Variants in GPC5 observed in about 807,000 individuals in gnomAD.
GPC5 encodes glypican-5.
Under a neutral mutation model 53.9 loss-of-function variants are expected in GPC5, and 47 were observed. The ratio of observed to expected loss-of-function variants is 0.87; its 90% CI spans 0.69 to 1.11. The LOEUF is 1.11. GPC5 is among the 50% of genes most tolerant of loss of function. GPC5 has a pLI of 0.00. For missense variants in GPC5, 748 were observed against 713.1 expected (o/e 1.05, Z -0.56); for synonymous variants, 286 against 263.3 (o/e 1.09, Z -0.84).
intron 1 of GPC5, among the ~76,000 whole-genome samples, chr13:91,432,203 C>CTGTGTGTGTGTGTG (rs757953581): frequency 6.6e-5 from 9 of 136,452 alleles, no homozygotes; most frequent in Non-Finnish European, 1.1e-4. Context: ...GCTGCTGCTG[C>CTGTGTGTGTGTGTG]TGTGTGTGTG....
intron 7 of GPC5, among the ~76,000 whole-genome samples, chr13:92,629,942 C>T (rs7319195): frequency 0.042 from 6,362 of 152,202 alleles, 191 homozygotes; most frequent in Admixed American, 0.11. Flanking sequence ...GGAAAAACAA[C>T]GATAAAAGAG....
At position 91,859,034 on chromosome 13, in the gene GPC5, CT is replaced by C. The variant is rs57168055; in HGVS notation, c.1281-48888del. ...CATCTCTGATTTTATTTATTTAGGT[CT>C]TTTTTTTTTTTTTTAGTGTGGCTAA... is the stretch of plus-strand genomic sequence containing the variant. On this transcript the variant is annotated intron_variant, in intron 5 of 7. Transcript: ENST00000377067. 8.3e-3 allele frequency among the ~76,000 whole-genome samples: 1,161 copies of C among 140,666 alleles called. 32 individuals are homozygous for C. In the East Asian group the frequency reaches 0.1, roughly 12 times the overall value. The allele number at this position is 140,666 out of a possible 152,430, so 92.3% of individuals were successfully genotyped here.
At chr13:91,728,300 A>G (rs986755887) in intron 3 of GPC5, among the ~76,000 whole-genome samples, 1 of 152,198 alleles carries the variant, frequency 6.6e-6, no homozygotes, top group African/African-American at 2.4e-5. Context: ...ACACATGTAT[A>G]CTGCATACCA....
chr13:91,434,604 G>A (rs1001832556), intron 1 of GPC5, among the ~76,000 whole-genome samples: 6 of 152,140 alleles, frequency 3.9e-5, no homozygotes, highest in East Asian at 1.9e-4. Context: ...GGTTACTGTA[G>A]CCTTGTAGTA....
chr13:92,613,941 A>T (rs1445304405), intron 7 of GPC5, among the ~76,000 whole-genome samples: 4 of 152,010 alleles, frequency 2.6e-5, no homozygotes, highest in Non-Finnish European at 4.4e-5. Context: ...AATATATGTC[A>T]GATTTGGAAA....
chr13:91,628,354 G>C (rs2034064569), intron 2 of GPC5, among the ~76,000 whole-genome samples: 1 of 152,018 alleles, frequency 6.6e-6, no homozygotes, highest in African/African-American at 2.4e-5. Flanking sequence ...ATTAAATGCA[G>C]TTATAATTAG....
intron 1 of GPC5, among the ~76,000 whole-genome samples, chr13:91,420,309 A>G (rs1878521958): frequency 6.6e-6 from 1 of 152,088 alleles, no homozygotes; most frequent in African/African-American, 2.4e-5. Flanking sequence ...CGTTCTCCAT[A>G]GTGAATGATG....
intron 5 of GPC5, among the ~76,000 whole-genome samples, chr13:91,857,033 A>G (rs7993391): frequency 0.19 from 29,236 of 150,532 alleles, 3,137 homozygotes; most frequent in East Asian, 0.31. Flanking sequence ...TGAATTGCTT[A>G]GTGCCTTTGT....
intron 7 of GPC5, among the ~76,000 whole-genome samples, chr13:92,828,902 C>T (rs1259075958): frequency 2.6e-5 from 4 of 152,032 alleles, no homozygotes; most frequent in African/African-American, 7.2e-5. Context: ...GCACACTATT[C>T]GGGTGATGAA....
At chr13:92,457,646 G>C (rs1292018036) in intron 7 of GPC5, among the ~76,000 whole-genome samples, 1 of 152,096 alleles carries the variant, frequency 6.6e-6, no homozygotes, top group Non-Finnish European at 1.5e-5. Flanking sequence ...GTCATAACAT[G>C]GCTTTGTGTA....
chr13:92,785,924 A>G (rs1566417722), intron 7 of GPC5, among the ~76,000 whole-genome samples: 1 of 152,200 alleles, frequency 6.6e-6, no homozygotes, highest in African/African-American at 2.4e-5. Context: ...GTTTATACCA[A>G]TGCTGGCACA....
intron 7 of GPC5, among the ~76,000 whole-genome samples, chr13:92,851,027 C>T (rs903434869): frequency 5.9e-5 from 9 of 152,156 alleles, no homozygotes; most frequent in African/African-American, 2.2e-4. Context: ...AGGAAACTTA[C>T]AGACACAGCA....
At chr13:92,214,425 C>T (rs1009344548) in intron 7 of GPC5, among the ~76,000 whole-genome samples, 1 of 152,072 alleles carries the variant, frequency 6.6e-6, no homozygotes, top group African/African-American at 2.4e-5. Context: ...CCAATTTCAC[C>T]CTTGTGAACA....
chr13:91,478,282 G>A (rs998263111), intron 2 of GPC5, among the ~76,000 whole-genome samples: 2 of 151,918 alleles, frequency 1.3e-5, no homozygotes, highest in Non-Finnish European at 1.5e-5. Context: ...CCTTTTGATT[G>A]GTGTATGCAT....
intron 6 of GPC5, among the ~76,000 whole-genome samples, chr13:91,955,175 G>A (rs1048044826): frequency 2.6e-5 from 4 of 152,142 alleles, no homozygotes; most frequent in Admixed American, 6.5e-5. Flanking sequence ...TGGATATTCA[G>A]TAAAATTCCA....
intron 7 of GPC5, among the ~76,000 whole-genome samples, chr13:92,554,538 G>A (rs1882429269): frequency 6.7e-6 from 1 of 149,244 alleles, no homozygotes; most frequent in Non-Finnish European, 1.5e-5. Context: ...AAATGTTCAG[G>A]AATTATTTTA....
At chr13:91,448,729 G>A (rs1257996324) in intron 1 of GPC5, 32 bp from the exon 2 acceptor site, 1 of 1,605,116 alleles carries the variant, frequency 6.2e-7, no homozygotes, top group South Asian at 1.1e-5. Flanking sequence ...AAATGAACAG[G>A]TAATCATTCT....
rs150013361 is a variant in GPC5 at position 92,697,634 on chromosome 13, C to T, written c.1562-168648C>T. Among the ~76,000 whole-genome samples the T allele has an allele frequency of 7.7e-4, 118 of 152,272 alleles. 1 individual carries two copies. The East Asian group carries it at 0.022, about 28-fold the overall frequency. ...TTTTCTAAATATACAATCATGTCATCTGCAAACAGAGACAATTTGAGTTCC... is the reference window on the plus strand; with the variant it reads ...TTTTCTAAATATACAATCATGTCATTTGCAAACAGAGACAATTTGAGTTCC... On this transcript the variant is annotated intron_variant, in intron 7 of 7. Transcript: ENST00000377067.
intron 2 of GPC5, among the ~76,000 whole-genome samples, chr13:91,655,872 G>A (rs1335054914): frequency 6.6e-6 from 1 of 152,110 alleles, no homozygotes; most frequent in African/African-American, 2.4e-5. Context: ...AACTCCCAGA[G>A]GAATCTCTCT....
Sources: allele counts gnomAD v4.1 joint callset (sites outside exome capture counted in the v4.1 genomes callset), GRCh38; gene constraint gnomAD v4.1.1; transcripts MANE v1.5; gene names NCBI Gene and HGNC (gene_info 2026-07-23, HGNC 2026-07-21).